ZMYND8: variants seen among roughly 807,000 people sequenced by gnomAD.
ZMYND8 encodes MYND-type zinc finger-containing chromatin reader ZMYND8.
ZMYND8 carries 37 observed loss-of-function variants against 140.8 expected under a neutral mutation model. The observed-to-expected ratio is 0.26, with a 90% CI of 0.20 to 0.35. The LOEUF (loss-of-function observed/expected upper bound fraction) is 0.35. Ranked by LOEUF, ZMYND8 falls within the 10% of genes least tolerant of loss-of-function variation. ZMYND8 has a pLI of 1.00. For missense variants in ZMYND8, 1,068 were observed against 1,570.0 expected (o/e 0.68, Z 5.40); for synonymous variants, 592 against 597.1 (o/e 0.99, Z 0.12).
At chr20:47,284,914 C>A (rs917037137) in intron 8 of ZMYND8, among the ~76,000 whole-genome samples, 1 of 152,022 alleles carries the variant, frequency 6.6e-6, no homozygotes, top group South Asian at 2.1e-4. Flanking sequence ...GAAAAAAAAG[C>A]AGCACCCACC....
intron 1 of ZMYND8, chr20:47,351,647 A>T (rs529443020): frequency 1.0e-6 from 1 of 983,374 alleles, no homozygotes; most frequent in Admixed American, 6.1e-5. Context: ...ATCTACAATT[A>T]ATTTTTTAAG....
chr20:47,314,818 G>C (rs2079246169), intron 2 of ZMYND8, among the ~76,000 whole-genome samples: 1 of 152,318 alleles, frequency 6.6e-6, no homozygotes, highest in East Asian at 1.9e-4. Flanking sequence ...AGGCTAAACA[G>C]GAAACAACCC....
At chr20:47,317,393 G>A (rs941232996) in intron 2 of ZMYND8, among the ~76,000 whole-genome samples, 10 of 108,856 alleles carry the variant, frequency 9.2e-5, no homozygotes, top group African/African-American at 3.5e-4. Flanking sequence ...TCAGGTACCC[G>A]CCCTCCACCC....
intron 11 of ZMYND8, among the ~76,000 whole-genome samples, chr20:47,267,438 A>T (rs1194864582): frequency 1.4e-5 from 2 of 147,628 alleles, no homozygotes; most frequent in Non-Finnish European, 3.0e-5. Context: ...TCATTTTTTT[A>T]AAAGATCTCA....
chr20:47,297,650 C>G (rs1049523521), intron 4 of ZMYND8, among the ~76,000 whole-genome samples: 1 of 152,142 alleles, frequency 6.6e-6, no homozygotes, highest in Non-Finnish European at 1.5e-5. Flanking sequence ...GTCTTGAACT[C>G]CTGGGATCAA....
At position 47,342,046 on chromosome 20, in the gene ZMYND8, C is replaced by T. The variant is rs535799212; in HGVS notation, c.85+5810G>A. 3.3e-5 allele frequency among the ~76,000 whole-genome samples: 5 copies of T among 151,646 alleles called. No homozygotes were observed. The East Asian group carries it at 5.8e-4, about 18-fold the overall frequency. On this transcript the variant is annotated intron_variant, in intron 2 of 22. Transcript: ENST00000471951. ...ACTTAGCCAGGCGTGGTGGTGTGTG[C>T]CTGTAGTCCCAGCTGCTCAGGAGGC...
At chr20:47,293,208 CAGGCAGGCAGGG>C (rs1206349071) in intron 5 of ZMYND8, among the ~76,000 whole-genome samples, 3 of 29,546 alleles carry the variant, frequency 1.0e-4, no homozygotes, top group Admixed American at 5.2e-4. Context: ...GGCAGGCAGG[CAGGCAGGCAGGG>C]AGGGAGGGAG....
intron 12 of ZMYND8, among the ~76,000 whole-genome samples, chr20:47,257,985 C>T (rs2147490089): frequency 6.6e-6 from 1 of 152,200 alleles, no homozygotes; most frequent in Non-Finnish European, 1.5e-5. Context: ...AGCCTCCCAA[C>T]GTGCGGGAAT....
At chr20:47,286,757 T>A (rs1051559632) in intron 8 of ZMYND8, among the ~76,000 whole-genome samples, 5 of 152,198 alleles carry the variant, frequency 3.3e-5, no homozygotes, top group Non-Finnish European at 5.9e-5. Flanking sequence ...AGAGGTCTGT[T>A]CCATCCACGC....
chr20:47,309,147 T>C (rs2078722287), intron 3 of ZMYND8, among the ~76,000 whole-genome samples: 1 of 152,116 alleles, frequency 6.6e-6, no homozygotes, highest in South Asian at 2.1e-4. Context: ...TTAGAAAAGA[T>C]CCAAACGGTG....
At chr20:47,231,254 A>G (rs533775605) in intron 16 of ZMYND8, among the ~76,000 whole-genome samples, 1 of 152,292 alleles carries the variant, frequency 6.6e-6, no homozygotes, top group South Asian at 2.1e-4. Context: ...GGAGGGGACA[A>G]GAGATCAGGC....
intron 12 of ZMYND8, among the ~76,000 whole-genome samples, chr20:47,258,220 G>C (rs2147493919): frequency 6.6e-6 from 1 of 152,296 alleles, no homozygotes; most frequent in South Asian, 2.1e-4. Flanking sequence ...ATAGGCACAG[G>C]AGACATTCAG....
At chr20:47,280,570 A>C (rs887555985) in intron 10 of ZMYND8, among the ~76,000 whole-genome samples, 1 of 152,296 alleles carries the variant, frequency 6.6e-6, no homozygotes, top group Non-Finnish European at 1.5e-5. Flanking sequence ...GCCATCAACC[A>C]TAAGGGTCTG....
intron 2 of ZMYND8, among the ~76,000 whole-genome samples, chr20:47,316,022 G>A (rs2079363865): frequency 6.6e-6 from 1 of 152,148 alleles, no homozygotes; most frequent in South Asian, 2.1e-4. Context: ...ATATGGGAAG[G>A]TCTACTGGGT....
At chr20:47,252,025 C>T (rs942887784) in intron 12 of ZMYND8, among the ~76,000 whole-genome samples, 1 of 151,818 alleles carries the variant, frequency 6.6e-6, no homozygotes, top group Non-Finnish European at 1.5e-5. Flanking sequence ...CCGGGCGCAG[C>T]AGTTCACGCC....
Position 47,210,855 on chromosome 20 carries a change from T to C in ZMYND8, c.3611A>G (p.Glu1204Gly). 3.7e-6 allele frequency: 6 copies of C among 1,614,086 alleles called. No homozygotes were observed. Among genetic ancestry groups the C allele is most frequent in the Non-Finnish European group, 5.1e-6 (6 of 1,180,020 alleles). Residue 1204 changes from glutamate to glycine, a missense_variant, in exon 23 of 23, where the codon GAG (glutamate) becomes GGG (glycine). Transcript: ENST00000471951. ...SNKSSWSSSDEKRGSTRSDHN... is the reference protein window; with the variant it reads ...SNKSSWSSSDGKRGSTRSDHN... ...ATCGGAACGTGTCGATCCCCTCTTC[T>C]CATCACTGCTGCTCCAACTGGATTT...
chr20:47,227,005 G>C (rs1187714712), intron 18 of ZMYND8, among the ~76,000 whole-genome samples, 198 bp downstream of exon 18: 1 of 152,168 alleles, frequency 6.6e-6, no homozygotes, highest in East Asian at 1.9e-4. Context: ...CTGAACAGAG[G>C]AAAGGGGGGC....
chr20:47,228,186 CCT>C (rs1211351622), intron 17 of ZMYND8, among the ~76,000 whole-genome samples: 8 of 152,190 alleles, frequency 5.3e-5, no homozygotes, highest in African/African-American at 1.4e-4. Flanking sequence ...AGTACTCTCC[CCT>C]GTCATGAGAA....
intron 2 of ZMYND8, among the ~76,000 whole-genome samples, chr20:47,324,189 G>A (rs1011654897): frequency 2.3e-5 from 3 of 130,480 alleles, no homozygotes; most frequent in Admixed American, 8.3e-5. Context: ...GCGCCAGAGC[G>A]AGACTCTGTC....
Sources: gnomAD v4.1 joint callset for allele counts (sites outside exome capture counted in the v4.1 genomes callset) on GRCh38, gnomAD v4.1.1 for gene constraint, MANE v1.5 for transcripts, NCBI Gene and HGNC (gene_info 2026-07-23, HGNC 2026-07-21) for gene names.